The following SPIDR variants were observed in gnomAD, a reference collection of about 807,000 sequenced individuals.
SPIDR encodes DNA repair-scaffolding protein.
SPIDR carries 93 observed loss-of-function variants against 104.6 expected under a neutral mutation model. That is an observed-to-expected ratio of 0.89 (90% CI 0.75 to 1.06). The LOEUF is 1.06. Among genes scored for constraint, SPIDR ranks in the 50% least tolerant of loss-of-function variants. The probability of loss-of-function intolerance (pLI) is 0.00; values close to 1 mark genes in which losing one functional copy is unlikely to be tolerated. For missense variants in SPIDR, 1,154 were observed against 1,111.2 expected (o/e 1.04, Z -0.55); for synonymous variants, 431 against 416.9 (o/e 1.03, Z -0.41).
intron 7 of SPIDR, among the ~76,000 whole-genome samples, chr8:47,427,044 T>C (rs2066523877): frequency 6.6e-6 from 1 of 152,174 alleles, no homozygotes; most frequent in Non-Finnish European, 1.5e-5. Context: ...AAAACTCTGA[T>C]GACTTATTCC....
chr8:47,481,902 C>T (rs374893644), intron 8 of SPIDR, among the ~76,000 whole-genome samples: 2 of 152,330 alleles, frequency 1.3e-5, no homozygotes, highest in Admixed American at 1.3e-4. Context: ...AGGTAGTGAT[C>T]TGCCTTCAAT....
chr8:47,730,899 C>T (rs2085098415), intron 19 of SPIDR, among the ~76,000 whole-genome samples: 1 of 152,198 alleles, frequency 6.6e-6, no homozygotes, highest in African/African-American at 2.4e-5. Flanking sequence ...ATGGATAAGT[C>T]TATGAGCGGG....
chr8:47,435,532 T>C (rs1253505993), intron 7 of SPIDR, among the ~76,000 whole-genome samples: 2 of 152,246 alleles, frequency 1.3e-5, no homozygotes, highest in Non-Finnish European at 2.9e-5. Flanking sequence ...CTAGATCTCT[T>C]GGTGTATCTT....
chr8:47,463,619 T>C (rs140735493), intron 8 of SPIDR, among the ~76,000 whole-genome samples: 41 of 152,280 alleles, frequency 2.7e-4, no homozygotes, highest in African/African-American at 8.7e-4. Context: ...GAAAAAATCC[T>C]CAACAACATT....
chr8:47,579,372 G>GAT (rs2059474140), intron 8 of SPIDR, among the ~76,000 whole-genome samples: 1 of 152,124 alleles, frequency 6.6e-6, no homozygotes, highest in Admixed American at 6.5e-5. Context: ...CCAGAATTAT[G>GAT]ATAACCCCAC....
intron 5 of SPIDR, among the ~76,000 whole-genome samples, chr8:47,316,947 T>C (rs995315181): frequency 6.6e-6 from 1 of 152,108 alleles, no homozygotes; most frequent in African/African-American, 2.4e-5. Context: ...AACTTTGAAA[T>C]GCATCGAAAA....
intron 5 of SPIDR, among the ~76,000 whole-genome samples, chr8:47,386,136 A>T (rs907795919): frequency 6.6e-6 from 1 of 151,792 alleles, no homozygotes; most frequent in Non-Finnish European, 1.5e-5. Flanking sequence ...TTTTATATGC[A>T]ATCTTATTTC....
chr8:47,730,819 C>T (rs531150586), intron 19 of SPIDR, among the ~76,000 whole-genome samples: 1 of 152,214 alleles, frequency 6.6e-6, no homozygotes, highest in African/African-American at 2.4e-5. Context: ...CCAGCAGCCC[C>T]GCAAGGCAGA....
At chr8:47,310,298 C>T (rs1213882112) in intron 5 of SPIDR, among the ~76,000 whole-genome samples, 2 of 146,664 alleles carry the variant, frequency 1.4e-5, no homozygotes, top group African/African-American at 5.1e-5. Flanking sequence ...CGCGCCGCTG[C>T]ACTCCAGCCT....
chr8:47,474,534 T>A (rs1554722717), intron 8 of SPIDR, among the ~76,000 whole-genome samples: 2 of 152,202 alleles, frequency 1.3e-5, no homozygotes, highest in Non-Finnish European at 2.9e-5. Context: ...CGGGCAGCTC[T>A]TTGCCTTTAG....
At chr8:47,330,913 T>G (rs1176826917) in intron 5 of SPIDR, 11 of 375,394 alleles carry the variant, frequency 2.9e-5, no homozygotes, top group Non-Finnish European at 4.4e-5. Flanking sequence ...TATTTTTAGT[T>G]TTATAAGAAA....
intron 5 of SPIDR, among the ~76,000 whole-genome samples, chr8:47,359,940 C>G (rs1017172768): frequency 6.6e-6 from 1 of 152,104 alleles, no homozygotes; most frequent in Admixed American, 6.5e-5. Context: ...ATCACTCTCT[C>G]TCATTGAAAT....
chr8:47,310,849 A>C (rs1323424843), intron 5 of SPIDR, among the ~76,000 whole-genome samples: 3 of 152,236 alleles, frequency 2.0e-5, no homozygotes, highest in South Asian at 2.1e-4. Flanking sequence ...GCAAAAAAAA[A>C]CTAAATAGTC....
intron 5 of SPIDR, among the ~76,000 whole-genome samples, chr8:47,298,271 T>C (rs1431077804): frequency 6.6e-6 from 1 of 152,246 alleles, no homozygotes; most frequent in Non-Finnish European, 1.5e-5. Flanking sequence ...GAGAAGTGTC[T>C]GTTCATATCC....
chr8:47,696,132 A>G (rs2079303134), intron 11 of SPIDR, among the ~76,000 whole-genome samples: 1 of 152,216 alleles, frequency 6.6e-6, no homozygotes, highest in Non-Finnish European at 1.5e-5. Flanking sequence ...TTGTCGCACG[A>G]TGGGAAACCT....
intron 8 of SPIDR, among the ~76,000 whole-genome samples, chr8:47,443,045 G>A (rs557409078): frequency 3.9e-5 from 6 of 151,986 alleles, no homozygotes; most frequent in East Asian, 1.9e-4. Context: ...CATTTTCTTG[G>A]GCTTATGAGA....
Position 47,673,887 on chromosome 8 carries a change from G to A in SPIDR, c.1631G>A (p.Gly544Glu), listed in dbSNP as rs1286044596. 6.2e-7 allele frequency: 1 copy of A among 1,614,050 alleles called. No individual in the cohort carries two copies. Among genetic ancestry groups the A allele is most frequent in the Non-Finnish European group, 8.5e-7 (1 of 1,180,030 alleles). ...FTMSKARQLE[G>E]KSCSLVGMKV... ...ATGTCGAAGGCAAGACAGTTGGAAG[G>A]GAAGTCTTGCAGCCTGGTGGGAATG... is the stretch of plus-strand genomic sequence containing the variant. Residue 544 changes from glycine to glutamate, a missense_variant, in exon 11 of 20, where the codon GGG becomes GAG. By Grantham distance (98) the Gly-to-Glu change is moderately conservative. Coordinates refer to ENST00000297423, the MANE Select transcript of SPIDR (RefSeq NM_001080394.4).
chr8:47,473,528 TC>T (rs1174532549), intron 8 of SPIDR, among the ~76,000 whole-genome samples: 7 of 152,206 alleles, frequency 4.6e-5, no homozygotes, highest in Admixed American at 6.5e-5. Flanking sequence ...CCTGCTGCTT[TC>T]CTTTGTACCT....
chr8:47,412,218 G>A (rs1554672205), intron 7 of SPIDR, among the ~76,000 whole-genome samples: 1 of 152,122 alleles, frequency 6.6e-6, no homozygotes, highest in East Asian at 1.9e-4. Context: ...TGATGGGGAT[G>A]GCATTGAATC....
Sources: allele counts gnomAD v4.1 joint callset (sites outside exome capture counted in the v4.1 genomes callset), GRCh38; gene constraint gnomAD v4.1.1; transcripts MANE v1.5; gene names NCBI Gene and HGNC (gene_info 2026-07-23, HGNC 2026-07-21).